Variants in CYP4X1 observed in about 807,000 individuals in gnomAD.
The protein encoded by CYP4X1 is cytochrome P450 4X1.
In CYP4X1, 44 loss-of-function variants were observed where a neutral mutation model predicts 57.9. That is an observed-to-expected ratio of 0.76 (90% CI 0.60 to 0.98). The LOEUF is 0.98. Ranked by LOEUF, CYP4X1 falls within the 50% of genes least tolerant of loss-of-function variation. The probability of loss-of-function intolerance (pLI) is 0.00; values close to 1 mark genes in which losing one functional copy is unlikely to be tolerated. For missense variants in CYP4X1, 532 were observed against 623.9 expected, an observed-to-expected ratio of 0.85 and a Z score of 1.57; for synonymous variants, 227 against 228.6, an observed-to-expected ratio of 0.99 and a Z score of 0.06.
chr1:46,984,497 A>G, the CYP4X1 span, among the ~76,000 whole-genome samples: 3 of 151,864 alleles, frequency 2.0e-5, no homozygotes, highest in East Asian at 5.8e-4. Flanking sequence ...TGCATTTCCA[A>G]CTGAGATACC....
chr1:46,984,157 C>T, the CYP4X1 span, among the ~76,000 whole-genome samples: 6 of 151,940 alleles, frequency 3.9e-5, no homozygotes, highest in Non-Finnish European at 7.4e-5. Flanking sequence ...TTCCTGAGCC[C>T]AGGTTTGCAA....
chr1:47,046,649 G>C, intron 9 of CYP4X1, 49 bp downstream of exon 9: 9 of 1,612,802 alleles, frequency 5.6e-6, no homozygotes, highest in Non-Finnish European at 5.9e-6. Context: ...TGGGATCCTG[G>C]AGACCACAGT....
In CYP4X1 at chr1:47,024,012, G is replaced by T; in HGVS notation, c.177+18G>T. 6.2e-7 allele frequency: 1 copy of T among 1,605,882 alleles called. No homozygotes were observed. The highest frequency in any genetic ancestry group is 2.2e-5 in the East Asian group (1 of 44,554). ...ACCAGAAGGTAGATGGGAGGGAGGA[G>T]GGAGGAAGGAGGAGGGAGGGGCGGA... On this transcript the variant is annotated intron_variant, in intron 1 of 11. Transcript: ENST00000371901.
the CYP4X1 span, chr1:47,003,194 AT>A: frequency 1.3e-5 from 2 of 152,236 alleles, no homozygotes; most frequent in African/African-American, 4.8e-5. Flanking sequence ...GAAAACTTTC[AT>A]TTAGTTCTCA....
the CYP4X1 span, among the ~76,000 whole-genome samples, chr1:46,976,095 T>C: frequency 8.0e-3 from 1,215 of 152,128 alleles, 21 homozygotes; most frequent in African/African-American, 0.028. Flanking sequence ...TTGGGACTGG[T>C]TGGACAGTGG....
At chr1:46,993,464 C>T in the CYP4X1 span, among the ~76,000 whole-genome samples, 4 of 152,096 alleles carry the variant, frequency 2.6e-5, no homozygotes, top group Non-Finnish European at 4.4e-5. Context: ...GGGATGGCTG[C>T]GTCAAATGGT....
At chr1:46,995,075 G>A in the CYP4X1 span, among the ~76,000 whole-genome samples, 3 of 152,142 alleles carry the variant, frequency 2.0e-5, no homozygotes, top group Admixed American at 1.3e-4. Flanking sequence ...CCACCCTTCA[G>A]TCATCGCCCA....
rs752002696 is a variant in CYP4X1, at chr1:47,030,091, CTA to C, written c.281_282del (p.Tyr94Ter). 3 of 1,614,060 alleles carry C rather than the reference CTA, an allele frequency of 1.9e-6. No homozygotes were observed. Among genetic ancestry groups the C allele is most frequent in the Non-Finnish European group, 2.5e-6 (3 of 1,179,980 alleles). ...GGCCCTTTCAGGCATTTTTCTGTAT[CTA>C]TGACCCAGACTATGCAAAGACACTT... ...IGPFQAFFCI[Y>X]DPDYAKTLLS... On this transcript the variant is annotated frameshift_variant, in exon 2 of 12. Transcript: ENST00000371901. LOFTEE classifies it high-confidence loss of function.
chr1:47,012,464 G>A, the CYP4X1 span, among the ~76,000 whole-genome samples: 1 of 152,132 alleles, frequency 6.6e-6, no homozygotes, highest in Non-Finnish European at 1.5e-5. Context: ...GGTAAATGAC[G>A]AGTTAATGGG....
At chr1:47,028,316 A>G (rs1644091481) in intron 1 of CYP4X1, among the ~76,000 whole-genome samples, 1 of 152,226 alleles carries the variant, frequency 6.6e-6, no homozygotes, top group African/African-American at 2.4e-5. Context: ...ACACTTGGGC[A>G]GATCATTTAA....
At chr1:46,963,421 C>A in the CYP4X1 span, among the ~76,000 whole-genome samples, 1 of 150,464 alleles carries the variant, frequency 6.6e-6, no homozygotes, top group Non-Finnish European at 1.5e-5. Flanking sequence ...TTAGTGCTTC[C>A]TTCAGGAGCT....
chr1:46,992,033 A>T, the CYP4X1 span, among the ~76,000 whole-genome samples: 1 of 152,170 alleles, frequency 6.6e-6, no homozygotes, highest in East Asian at 1.9e-4. Context: ...CAGGCCAGGC[A>T]TGGTGGCTAA....
intron 4 of CYP4X1, among the ~76,000 whole-genome samples, chr1:47,033,688 C>T (rs1410822218): frequency 6.6e-6 from 1 of 152,122 alleles, no homozygotes; most frequent in Non-Finnish European, 1.5e-5. Flanking sequence ...AAACCTACCC[C>T]AAAGTCTGAG....
At chr1:47,010,224 G>A in the CYP4X1 span, among the ~76,000 whole-genome samples, 2 of 152,158 alleles carry the variant, frequency 1.3e-5, no homozygotes, top group African/African-American at 4.8e-5. Context: ...TGATCAAGTG[G>A]GCTTCAACCC....
the CYP4X1 span, among the ~76,000 whole-genome samples, chr1:46,983,593 A>C: frequency 6.6e-6 from 1 of 152,144 alleles, no homozygotes; most frequent in Non-Finnish European, 1.5e-5. Flanking sequence ...CCAGGTCGGG[A>C]AAACCTGCCC....
chr1:46,961,432 C>A, the CYP4X1 span: 1 of 538,958 alleles, frequency 1.9e-6, no homozygotes, highest in Non-Finnish European at 2.6e-6. Flanking sequence ...GTATCCTGGG[C>A]CCACCAGTTT....
chr1:46,961,475 C>T, the CYP4X1 span: 1 of 1,051,554 alleles, frequency 9.5e-7, no homozygotes, highest in Admixed American at 3.7e-5. Flanking sequence ...TTGAACCGTT[C>T]ACTGGCTTCC....
In CYP4X1 at chr1:47,039,530, T is replaced by G. The variant is rs141112226; in HGVS notation, c.1071T>G (p.Thr357=). The change falls in exon 8 of 12, where the codon ACT becomes ACG. Residue 357 remains threonine, a splice_region_variant and synonymous_variant. Coordinates refer to ENST00000371901, the MANE Select transcript of CYP4X1 (RefSeq NM_178033.2). ...TCCTGGGGGATGGGTCTTCTATCAC[T>G]TGGTAAGATCTGCACCCCTAAATTT... ...RGILGDGSSI[T]WDQLGEMSYT... 1.4e-5 allele frequency: 22 copies of G among 1,601,624 alleles called. No individual in the cohort carries two copies. The African/African-American group carries it at 2.3e-4, about 17-fold the overall frequency.
the CYP4X1 span, among the ~76,000 whole-genome samples, chr1:46,980,712 C>T: frequency 1.5e-4 from 23 of 152,320 alleles, no homozygotes; most frequent in Non-Finnish European, 2.9e-4. Context: ...AGACATCATA[C>T]TACCTGACTT....
Sources: gnomAD v4.1 joint callset for allele counts (sites outside exome capture counted in the v4.1 genomes callset) on GRCh38, gnomAD v4.1.1 for gene constraint, MANE v1.5 for transcripts, NCBI Gene and HGNC (gene_info 2026-07-23, HGNC 2026-07-21) for gene names.